Variants in CCDC102B observed in about 807,000 individuals in gnomAD.
The protein encoded by CCDC102B is coiled-coil domain containing 102B.
Under a neutral mutation model 57.4 loss-of-function variants are expected in CCDC102B, and 75 were observed. That is an observed-to-expected ratio of 1.31 (90% CI 1.08 to 1.58). The LOEUF is 1.58. Ranked by LOEUF, CCDC102B falls within the 40% of genes most tolerant of loss-of-function variation. The pLI is 0.00. For missense variants in CCDC102B, 636 were observed against 582.6 expected, an observed-to-expected ratio of 1.09 and a Z score of -0.94; for synonymous variants, 206 against 201.9, an observed-to-expected ratio of 1.02 and a Z score of -0.17.
intron 2 of CCDC102B, among the ~76,000 whole-genome samples, chr18:68,791,535 T>A (rs1299346372): frequency 6.6e-6 from 1 of 152,138 alleles, no homozygotes; most frequent in Non-Finnish European, 1.5e-5. Flanking sequence ...CAATGTTTTT[T>A]TTTGTTTTTA....
At chr18:68,742,400 G>C (rs1048177065) in intron 2 of CCDC102B, among the ~76,000 whole-genome samples, 16 of 152,122 alleles carry the variant, frequency 1.1e-4, no homozygotes, top group Non-Finnish European at 1.5e-4. Context: ...ATTACTTCCA[G>C]ATCCCATTTC....
At chr18:68,941,111 C>A (rs2049369799) in intron 6 of CCDC102B, among the ~76,000 whole-genome samples, 1 of 149,350 alleles carries the variant, frequency 6.7e-6, no homozygotes, top group Non-Finnish European at 1.5e-5. Context: ...AAACTAAAAT[C>A]ACCATGCCTT....
At chr18:68,955,121 C>T (rs1299957100) in intron 6 of CCDC102B, among the ~76,000 whole-genome samples, 2 of 152,128 alleles carry the variant, frequency 1.3e-5, no homozygotes, top group Non-Finnish European at 2.9e-5. Flanking sequence ...ATTATTATTG[C>T]TTTGAAGCAA....
chr18:68,866,841 G>A, intron 4 of CCDC102B: 1 of 693,660 alleles, frequency 1.4e-6, no homozygotes, highest in Non-Finnish European at 2.7e-6. Flanking sequence ...CCCTGTGTCT[G>A]GGGCCAGCAC....
At chr18:68,831,728 C>T (rs2037149076) in intron 1 of CCDC102B, among the ~76,000 whole-genome samples, 1 of 152,084 alleles carries the variant, frequency 6.6e-6, no homozygotes, top group Non-Finnish European at 1.5e-5. Context: ...AAATCTTGAA[C>T]TACACACATA....
intron 6 of CCDC102B, among the ~76,000 whole-genome samples, chr18:69,010,073 A>T (rs1804184561): frequency 6.9e-6 from 1 of 145,700 alleles, no homozygotes; most frequent in Non-Finnish European, 1.5e-5. Flanking sequence ...CTGGGACTAC[A>T]GGCGTCCGCC....
At position 68,862,396 on chromosome 18, in the gene CCDC102B, T is replaced by C. The variant is rs375953265; in HGVS notation, c.937-12273T>C. Among the ~76,000 whole-genome samples, 7 of 152,180 alleles carry C rather than the reference T, an allele frequency of 4.6e-5. No individual in the cohort carries two copies. The East Asian group carries it at 9.6e-4, about 21-fold the overall frequency. On this transcript the variant is annotated intron_variant, in intron 4 of 7. Transcript: ENST00000360242. ...CTCACTTTAATGCAATTGAGTTAGG[T>C]ATTACAAAATGGCAGTACTGATTTA...
upstream of CCDC102B, among the ~76,000 whole-genome samples, chr18:68,793,849 G>C (rs748522902): frequency 6.6e-6 from 1 of 152,094 alleles, no homozygotes; most frequent in African/African-American, 2.4e-5. Flanking sequence ...TAGCTGTAGC[G>C]TTAACTTTTT....
intron 6 of CCDC102B, among the ~76,000 whole-genome samples, chr18:68,914,843 C>A (rs2041006994): frequency 6.6e-6 from 1 of 152,168 alleles, no homozygotes; most frequent in Non-Finnish European, 1.5e-5. Flanking sequence ...ACTCAACTCT[C>A]ATTTATATCC....
rs1175300160 is a variant in CCDC102B, at chr18:68,874,752, CAA to C, written c.1022_1023del (p.Lys341ArgfsTer6). The C allele has an allele frequency of 8.7e-6, 14 of 1,610,002 alleles. No individual in the cohort carries two copies. The South Asian group carries it at 1.4e-4, about 16-fold the overall frequency. Reference protein sequence around the residue: ...IKEESKSQNSKDRVICELRAE... With the variant: ...IKEESKSQNSXDRVICELRAE... ...AGGAAGAATCCAAATCTCAAAACAG[CAA>C]AGACAGAGTGATTTGTGAGTTAAGA... On this transcript the variant is annotated frameshift_variant, in exon 5 of 8. Transcript: ENST00000360242. LOFTEE classifies it high-confidence loss of function.
At chr18:68,822,842 T>C (rs963526085) in intron 1 of CCDC102B, among the ~76,000 whole-genome samples, 4 of 146,056 alleles carry the variant, frequency 2.7e-5, no homozygotes, top group Admixed American at 6.9e-5. Flanking sequence ...TTTCATGATA[T>C]ATATGTGAGG....
intron 2 of CCDC102B, among the ~76,000 whole-genome samples, chr18:68,767,707 A>G (rs2034513610): frequency 6.6e-6 from 1 of 152,224 alleles, no homozygotes; most frequent in South Asian, 2.1e-4. Flanking sequence ...TTTACAAAGA[A>G]TAGTGTAATA....
At chr18:69,034,399 G>A (rs2052230264) in intron 7 of CCDC102B, among the ~76,000 whole-genome samples, 1 of 151,902 alleles carries the variant, frequency 6.6e-6, no homozygotes, top group South Asian at 2.1e-4. Context: ...ATGGTATAAA[G>A]TGCAGGTTCA....
Position 68,837,108 on chromosome 18 carries a change from T to C in CCDC102B, c.345T>C (p.Ser115=). ...GTAAAGTTCGAGCTGAAAGGAACAG[T>C]GCCAGGGAGGAAGGAAGACAACTCA... ...KWSKVRAERN[S]AREEGRQLRI... Residue 115 remains serine (S), a synonymous_variant, in exon 2 of 8, where the codon AGT becomes AGC. Transcript: ENST00000360242. 6.2e-7 allele frequency: 1 copy of C among 1,614,068 alleles called. No homozygotes were observed. Among genetic ancestry groups the C allele is most frequent in the Non-Finnish European group, 8.5e-7 (1 of 1,180,012 alleles).
intron 7 of CCDC102B, among the ~76,000 whole-genome samples, chr18:69,018,431 A>G (rs1365366416): frequency 6.6e-6 from 1 of 152,152 alleles, no homozygotes; most frequent in Non-Finnish European, 1.5e-5. Flanking sequence ...CATCTTCACC[A>G]GCACTAGTTA....
intron 6 of CCDC102B, among the ~76,000 whole-genome samples, chr18:68,934,144 T>C (rs1325335251): frequency 6.6e-6 from 1 of 151,994 alleles, no homozygotes; most frequent in Non-Finnish European, 1.5e-5. Flanking sequence ...AGTAAACTAG[T>C]AATTTAACTA....
intron 5 of CCDC102B, among the ~76,000 whole-genome samples, chr18:68,890,510 C>T (rs1366693628): frequency 1.3e-5 from 2 of 152,094 alleles, no homozygotes; most frequent in African/African-American, 2.4e-5. Context: ...TAGACTTGGG[C>T]GACCACACCC....
In CCDC102B at chr18:68,857,213, A is replaced by T. The variant is rs1381863209; in HGVS notation, c.936+10792A>T. ...TATATATTTTTATATAATATATAAA[A>T]ATATATTTATATATTTTTATATATA... On this transcript the variant is annotated intron_variant, in intron 4 of 7. Coordinates refer to ENST00000360242, the MANE Select transcript of CCDC102B (RefSeq NM_024781.3). 6.5e-3 allele frequency among the ~76,000 whole-genome samples: 467 copies of T among 72,040 alleles called. 71 individuals carry two copies. The highest frequency in any genetic ancestry group is 0.025 in the African/African-American group (396 of 15,804). The allele number at this position is 72,040 out of a possible 152,430, so 47.3% of individuals were successfully genotyped here.
At chr18:68,829,611 G>C (rs575746939) in intron 1 of CCDC102B, among the ~76,000 whole-genome samples, 1 of 151,974 alleles carries the variant, frequency 6.6e-6, no homozygotes, top group African/African-American at 2.4e-5. Flanking sequence ...TGGCAGCTTT[G>C]CACATCCTAT....
Sources: gnomAD v4.1 joint callset for allele counts (sites outside exome capture counted in the v4.1 genomes callset) on GRCh38, gnomAD v4.1.1 for gene constraint, MANE v1.5 for transcripts, NCBI Gene and HGNC (gene_info 2026-07-23, HGNC 2026-07-21) for gene names.